BAZ2B: variants seen among roughly 807,000 people sequenced by gnomAD.
BAZ2B encodes the protein bromodomain adjacent to zinc finger domain 2B, also known as bromodomain adjacent to zinc finger domain protein 2B.
Under a neutral mutation model 246.0 loss-of-function variants are expected in BAZ2B, and 91 were observed. The observed-to-expected ratio is 0.37, with a 90% confidence interval of 0.31 to 0.44. The LOEUF is 0.44. Among genes scored for constraint, BAZ2B ranks in the 20% least tolerant of loss-of-function variants. BAZ2B has a pLI of 1.00. For missense variants in BAZ2B, 2,332 were observed against 2,533.7 expected, an observed-to-expected ratio of 0.92 and a Z score of 1.71; for synonymous variants, 855 against 860.0, an observed-to-expected ratio of 0.99 and a Z score of 0.10.
chr2:159,589,823 A>G lies in BAZ2B; in HGVS notation c.-46+26419T>C, dbSNP rs1371941982. Among the ~76,000 whole-genome samples the G allele has an allele frequency of 4.6e-5, 7 of 152,220 alleles. No individual in the cohort carries two copies. The East Asian group carries it at 1.3e-3, about 29-fold the overall frequency. On this transcript the variant is annotated intron_variant, in intron 1 of 36. Coordinates refer to ENST00000392783, the MANE Select transcript of BAZ2B (RefSeq NM_013450.4). Reference sequence around the variant, plus strand: ...AAAATAGTTCTAAGACCATCAACATATAAGACAGGAGTCTAAAATAATGTA... The same window carrying G: ...AAAATAGTTCTAAGACCATCAACATGTAAGACAGGAGTCTAAAATAATGTA...
upstream of BAZ2B, among the ~76,000 whole-genome samples, chr2:159,620,165 T>C (rs1696372777): frequency 6.6e-6 from 1 of 152,178 alleles, no homozygotes; most frequent in South Asian, 2.1e-4. Flanking sequence ...ACTATGGGTA[T>C]TGTAGATGGT....
Position 159,430,973 on chromosome 2 carries a change from A to G in BAZ2B, c.2084T>C (p.Leu695Pro), listed in dbSNP as rs1167531471. ...SLTGHSTPRNLHIAKAPGSAP... is the reference protein window; with the variant it reads ...SLTGHSTPRNPHIAKAPGSAP... ...AGAGCCTGGGGCTTTTGCTATGTGGAGGTTACGAGGTGTTGAGTGACCTGT... is the reference window on the plus strand; with the variant it reads ...AGAGCCTGGGGCTTTTGCTATGTGGGGGTTACGAGGTGTTGAGTGACCTGT... Residue 695 changes from leucine to proline, a missense_variant, in exon 10 of 37, where the codon CTC becomes CCC. By Grantham distance (98) the Leu-to-Pro change is moderately conservative (BLOSUM62 -3). Coordinates refer to ENST00000392783, the MANE Select transcript of BAZ2B (RefSeq NM_013450.4). 2 of 1,613,914 alleles carry G rather than the reference A, an allele frequency of 1.2e-6. No individual in the cohort carries two copies. The highest frequency in any genetic ancestry group is 2.7e-5 in the African/African-American group (2 of 74,922).
At chr2:159,528,262 A>G (rs1347469562) in intron 2 of BAZ2B, among the ~76,000 whole-genome samples, 4 of 152,196 alleles carry the variant, frequency 2.6e-5, no homozygotes, top group Non-Finnish European at 5.9e-5. Context: ...TTACTGTGAC[A>G]GCCCAGGTGA....
At chr2:159,551,427 C>A (rs952156555) in intron 2 of BAZ2B, among the ~76,000 whole-genome samples, 14 of 144,340 alleles carry the variant, frequency 9.7e-5, no homozygotes, top group Non-Finnish European at 1.9e-4. Flanking sequence ...CAAGACTACA[C>A]CACTGCACTC....
At chr2:159,536,750 GA>G (rs1312547398) in intron 2 of BAZ2B, among the ~76,000 whole-genome samples, 1 of 151,820 alleles carries the variant, frequency 6.6e-6, no homozygotes, top group Non-Finnish European at 1.5e-5. Flanking sequence ...CCAATGTTAA[GA>G]AAAAAAGTAA....
intron 20 of BAZ2B, among the ~76,000 whole-genome samples, chr2:159,393,260 T>C (rs12692550): frequency 0.66 from 100,954 of 152,012 alleles, 37,008 homozygotes; most frequent in Non-Finnish European, 0.84. Flanking sequence ...TGTCAGGATA[T>C]GATCTGGTTT....
chr2:159,547,549 T>G (rs2087545975), intron 2 of BAZ2B, among the ~76,000 whole-genome samples: 1 of 152,182 alleles, frequency 6.6e-6, no homozygotes, highest in Non-Finnish European at 1.5e-5. Context: ...TGACTAGCAT[T>G]TCTTATATCT....
chr2:159,349,877 C>T lies in BAZ2B; in HGVS notation c.4694G>A (p.Arg1565Gln), dbSNP rs2058371402. 3 of 1,614,114 alleles carry T rather than the reference C, an allele frequency of 1.9e-6. No individual in the cohort carries two copies. The highest frequency in any genetic ancestry group is 2.2e-5 in the East Asian group (1 of 44,882). The change falls in exon 28 of 37, where the codon CGA becomes CAA. Residue 1565 changes from arginine (R) to glutamine (Q), a missense_variant. Physicochemically the swap from Arg to Gln is conservative, Grantham distance 43. Transcript: ENST00000392783. ...AAGTGAAGTGTCATCACAGGGTGTT[C>T]GTGGCAAAAGACTAAACCATTGTCT... ...KNRQWFSLLP[R>Q]TPCDDTSLTH...
At chr2:159,626,424 TAA>T in the BAZ2B span, among the ~76,000 whole-genome samples, 1 of 152,058 alleles carries the variant, frequency 6.6e-6, no homozygotes, top group South Asian at 2.1e-4. Context: ...ACATAAGACG[TAA>T]AACACTCCTC....
chr2:159,704,761 C>T, the BAZ2B span, among the ~76,000 whole-genome samples: 3 of 151,950 alleles, frequency 2.0e-5, no homozygotes, highest in Admixed American at 2.0e-4. Context: ...GGATTAGAGG[C>T]GTGAGCCACC....
intron 34 of BAZ2B, among the ~76,000 whole-genome samples, chr2:159,331,782 T>C (rs901535089): frequency 1.3e-5 from 2 of 152,216 alleles, no homozygotes; most frequent in Admixed American, 6.5e-5. Context: ...ATAACGGTTT[T>C]ACCAAGGGCA....
intron 1 of BAZ2B, among the ~76,000 whole-genome samples, chr2:159,588,165 C>T (rs1281453385): frequency 1.4e-5 from 2 of 139,610 alleles, no homozygotes; most frequent in African/African-American, 2.7e-5. Flanking sequence ...TGCACTTCAG[C>T]GATTGTACCA....
intron 20 of BAZ2B, among the ~76,000 whole-genome samples, chr2:159,394,060 T>C (rs1353373794): frequency 6.6e-6 from 1 of 152,124 alleles, no homozygotes; most frequent in South Asian, 2.1e-4. Flanking sequence ...TTCTGGGTTA[T>C]TTTAGTTAGC....
chr2:159,316,796 T>G (rs2062177448), downstream of BAZ2B, among the ~76,000 whole-genome samples: 1 of 151,104 alleles, frequency 6.6e-6, no homozygotes, highest in Non-Finnish European at 1.5e-5. Flanking sequence ...TCATCTGAGT[T>G]TGAGAACAGC....
chr2:159,338,141 T>C (rs946525779), intron 31 of BAZ2B, among the ~76,000 whole-genome samples: 5 of 152,204 alleles, frequency 3.3e-5, no homozygotes, highest in Non-Finnish European at 5.9e-5. Flanking sequence ...CCTTCCATTA[T>C]TCTTCTGTAC....
Position 159,431,131 on chromosome 2 carries a change from A to G in BAZ2B, c.1926T>C (p.Asp642=). The part of the protein sequence containing the change: ...QSESDSNSES[D]TEGSEEEDDD... ...CATCTTCTTCTTCTGATCCTTCTGT[A>G]TCTGATTCTGAATTACTATCTGATT... The change falls in exon 10 of 37, where the codon GAT becomes GAC. Residue 642 remains aspartate (D), a synonymous_variant. Coordinates refer to ENST00000392783, the MANE Select transcript of BAZ2B (RefSeq NM_013450.4). The G allele has an allele frequency of 1.9e-6, 3 of 1,608,996 alleles. No individual in the cohort carries two copies. The highest frequency in any genetic ancestry group is 2.2e-5 in the South Asian group (2 of 90,660).
chr2:159,357,809 T>C (rs1024550798), intron 27 of BAZ2B, among the ~76,000 whole-genome samples: 4 of 152,184 alleles, frequency 2.6e-5, no homozygotes, highest in Admixed American at 6.5e-5. Flanking sequence ...GGGGCCAATA[T>C]TCAACATTCT....
chr2:159,442,732 C>T lies in BAZ2B; in HGVS notation c.697-3520G>A, dbSNP rs569272693. 5.3e-5 allele frequency among the ~76,000 whole-genome samples: 8 copies of T among 152,276 alleles called. 1 individual carries two copies. In the South Asian group the frequency reaches 1.7e-3, roughly 32 times the overall value. On this transcript the variant is annotated intron_variant, in intron 6 of 36. Transcript: ENST00000392783. Reference sequence around the variant, plus strand: ...ATAATTCTGATGAGTCTAAGTACCTCAAATAAGTGGAATCATACAGTACAG... The same window carrying T: ...ATAATTCTGATGAGTCTAAGTACCTTAAATAAGTGGAATCATACAGTACAG...
intron 16 of BAZ2B, among the ~76,000 whole-genome samples, chr2:159,401,610 T>G (rs1188044764): frequency 6.6e-6 from 1 of 152,162 alleles, no homozygotes; most frequent in Non-Finnish European, 1.5e-5. Flanking sequence ...ATTAATTAAT[T>G]ATAATTTAAC....
Sources: gnomAD v4.1 joint callset for allele counts (sites outside exome capture counted in the v4.1 genomes callset) on GRCh38, gnomAD v4.1.1 for gene constraint, MANE v1.5 for transcripts, NCBI Gene and HGNC (gene_info 2026-07-23, HGNC 2026-07-21) for gene names.